Variants in C18orf63 observed in about 807,000 individuals in gnomAD.
The protein encoded by C18orf63 is uncharacterized protein C18orf63.
In C18orf63, 50 loss-of-function variants were observed where a neutral mutation model predicts 75.3. That is an observed-to-expected ratio of 0.66 (90% CI 0.53 to 0.84). The LOEUF is 0.84. Among genes scored for constraint, C18orf63 ranks in the 40% least tolerant of loss-of-function variants. The pLI, the probability that C18orf63 is intolerant of heterozygous loss-of-function variation, is 0.00. For missense variants in C18orf63, 732 were observed against 800.2 expected (o/e 0.91, Z 1.03); for synonymous variants, 232 against 267.6 (o/e 0.87, Z 1.30).
chr18:74,344,468 A>G (rs1386250503), intron 11 of C18orf63, among the ~76,000 whole-genome samples: 1 of 148,468 alleles, frequency 6.7e-6, no homozygotes. Flanking sequence ...CCATGTAACT[A>G]TCACACAGAT....
chr18:74,316,827 C>A (rs1984034553), intron 1 of C18orf63, among the ~76,000 whole-genome samples: 1 of 152,202 alleles, frequency 6.6e-6, no homozygotes, highest in Non-Finnish European at 1.5e-5. Flanking sequence ...ACTAGGAACT[C>A]ACAAAATTAA....
chr18:74,340,953 AC>A (rs1349397407), intron 8 of C18orf63, among the ~76,000 whole-genome samples: 3 of 152,092 alleles, frequency 2.0e-5, no homozygotes, highest in Non-Finnish European at 4.4e-5. Context: ...CAGCATACTG[AC>A]TATAGTTAAT....
chr18:74,319,347 T>C (rs939628666), intron 2 of C18orf63, among the ~76,000 whole-genome samples: 3 of 152,246 alleles, frequency 2.0e-5, no homozygotes, highest in Admixed American at 6.5e-5. Flanking sequence ...GTACCTGATA[T>C]ACCTTGGTTC....
At chr18:74,331,653 A>G (rs1984309230) in intron 7 of C18orf63, among the ~76,000 whole-genome samples, 1 of 152,176 alleles carries the variant, frequency 6.6e-6, no homozygotes, top group Non-Finnish European at 1.5e-5. Flanking sequence ...CTTCCCCTGC[A>G]CAGGACAGCC....
In C18orf63 at chr18:74,323,023, G is replaced by A. The variant is rs150349222; in HGVS notation, c.270+269G>A. ...ATACATCTTCAGATAAGTGAATCTCGTCATTTTCACAGATAAACCCAGAGT... is the reference window on the plus strand; with the variant it reads ...ATACATCTTCAGATAAGTGAATCTCATCATTTTCACAGATAAACCCAGAGT... On this transcript the variant is annotated intron_variant, in intron 4 of 13. Transcript: ENST00000579455. 1.4e-4 allele frequency among the ~76,000 whole-genome samples: 21 copies of A among 152,212 alleles called. No individual in the cohort carries two copies. In the East Asian group the frequency reaches 3.5e-3, roughly 25 times the overall value.
At chr18:74,343,484 A>G in intron 10 of C18orf63, 35 bp from the exon 11 acceptor site, 1 of 1,396,528 alleles carries the variant, frequency 7.2e-7, no homozygotes, top group East Asian at 2.6e-5. Flanking sequence ...CCTCTTATGT[A>G]ATAAAATCAG....
At chr18:74,354,904 C>A (rs189343317) in intron 13 of C18orf63, among the ~76,000 whole-genome samples, 1 of 152,226 alleles carries the variant, frequency 6.6e-6, no homozygotes, top group East Asian at 1.9e-4. Flanking sequence ...GATACCTACC[C>A]AAGATAATAA....
chr18:74,321,956 C>A lies in C18orf63; in HGVS notation c.214-742C>A, dbSNP rs553904108. Reference sequence around the variant, plus strand: ...CTTTCCATGTCAGTACACATATCTTCCTCACTTTTAAGGCTGTGAAATATT... The same window carrying A: ...CTTTCCATGTCAGTACACATATCTTACTCACTTTTAAGGCTGTGAAATATT... On this transcript the variant is annotated intron_variant, in intron 3 of 13. Transcript: ENST00000579455. Among the ~76,000 whole-genome samples, 9 of 152,236 alleles carry A rather than the reference C, an allele frequency of 5.9e-5. No homozygotes were observed. The South Asian group carries it at 1.9e-3, about 32-fold the overall frequency.
chr18:74,328,927 A>G (rs922067809), intron 5 of C18orf63, 68 bp from the exon 6 acceptor site: 4 of 855,298 alleles, frequency 4.7e-6, no homozygotes, highest in Non-Finnish European at 7.5e-6. Context: ...CATCAAGCAT[A>G]GTTATAAATA....
chr18:74,323,351 C>G (rs1016059208), intron 4 of C18orf63, among the ~76,000 whole-genome samples: 1 of 152,168 alleles, frequency 6.6e-6, no homozygotes, highest in Non-Finnish European at 1.5e-5. Flanking sequence ...TTCTAGTCAT[C>G]TTTAAAATGA....
intron 11 of C18orf63, among the ~76,000 whole-genome samples, chr18:74,352,621 C>T (rs2145132852): frequency 6.6e-6 from 1 of 152,186 alleles, no homozygotes; most frequent in Non-Finnish European, 1.5e-5. Context: ...TTCCTAAAGG[C>T]CCAGTATAGA....
At position 74,354,191 on chromosome 18, in the gene C18orf63, C is replaced by A. The variant is rs1198574117; in HGVS notation, c.1924C>A (p.Pro642Thr). ...IAHRSKRKLC[P>T]ESSKTSKKHH... ...CCACAGGTCTAAAAGAAAATTATGT[C>A]CAGAGTCTTCCAAAACTTCAAAGAA... Residue 642 changes from proline (P) to threonine (T), a missense_variant, in exon 12 of 14, where the codon CCA (proline) becomes ACA (threonine). Pro to Thr is a conservative substitution (Grantham distance 38). Transcript: ENST00000579455. 3 of 1,536,066 alleles carry A rather than the reference C, an allele frequency of 2.0e-6. No homozygotes were observed. The Admixed American group carries it at 5.9e-5, about 30-fold the overall frequency.
chr18:74,322,832 A>G, intron 4 of C18orf63, 78 bp downstream of exon 4: 1 of 462,870 alleles, frequency 2.2e-6, no homozygotes, highest in Non-Finnish European at 3.6e-6. Flanking sequence ...TCAACAAACA[A>G]AAACTGGAGT....
intron 7 of C18orf63, among the ~76,000 whole-genome samples, chr18:74,334,414 C>T (rs1984358623): frequency 6.6e-6 from 1 of 152,064 alleles, no homozygotes; most frequent in Admixed American, 6.6e-5. Flanking sequence ...CTACATTATA[C>T]ACATGAAAAG....
chr18:74,329,773 C>A (rs1402381859), intron 6 of C18orf63, among the ~76,000 whole-genome samples: 2 of 152,294 alleles, frequency 1.3e-5, no homozygotes, highest in East Asian at 3.9e-4. Flanking sequence ...CAGTTTACTA[C>A]ATGGCCTAAT....
At chr18:74,317,500 T>C (rs1009729100) in intron 1 of C18orf63, among the ~76,000 whole-genome samples, 2 of 152,224 alleles carry the variant, frequency 1.3e-5, no homozygotes, top group Admixed American at 6.5e-5. Context: ...ATAGTTATTG[T>C]TATAGAAAAA....
At chr18:74,353,104 T>G in intron 11 of C18orf63, 142 bp from the exon 12 acceptor site, 1 of 639,738 alleles carries the variant, frequency 1.6e-6, no homozygotes, top group Non-Finnish European at 2.6e-6. Flanking sequence ...AAGGCTCATT[T>G]TTATTTTGTT....
intron 1 of C18orf63, 46 bp from the exon 2 acceptor site, chr18:74,317,788 A>G (rs904175247): frequency 3.5e-6 from 4 of 1,159,122 alleles, no homozygotes; most frequent in African/African-American, 3.1e-5. Context: ...TTGGAACTCT[A>G]TTGGTAAGAT....
chr18:74,335,085 T>C (rs1347772681), intron 7 of C18orf63, among the ~76,000 whole-genome samples: 1 of 152,170 alleles, frequency 6.6e-6, no homozygotes, highest in Non-Finnish European at 1.5e-5. Flanking sequence ...TCTATGCAAA[T>C]GTCTCATTCA....
Sources: allele counts gnomAD v4.1 joint callset (sites outside exome capture counted in the v4.1 genomes callset), GRCh38; gene constraint gnomAD v4.1.1; transcripts MANE v1.5; gene names NCBI Gene and HGNC (gene_info 2026-07-23, HGNC 2026-07-21).